Variants in ABL2 observed in about 807,000 individuals in gnomAD.
ABL2 encodes tyrosine-protein kinase ABL2.
ABL2 carries 49 observed loss-of-function variants against 107.7 expected under a neutral mutation model. That is an observed-to-expected ratio of 0.45 (90% CI 0.36 to 0.58). ABL2 has a LOEUF of 0.58. Among genes scored for constraint, ABL2 ranks in the 20% least tolerant of loss-of-function variants. ABL2 has a pLI of 0.00. For synonymous variants in ABL2, 549 were observed against 548.6 expected (o/e 1.00, Z -0.01); for missense variants, 1,245 against 1,457.0 (o/e 0.85, Z 2.37).
rs55794608 is a variant in ABL2, at chr1:179,199,731, C to CTT, written c.157+29508_157+29509dup. Among the ~76,000 whole-genome samples the CTT allele has an allele frequency of 3.2e-3, 429 of 136,140 alleles. 6 individuals carry two copies. Among genetic ancestry groups the CTT allele is most frequent in the Non-Finnish European group, 4.1e-3 (267 of 64,418 alleles). The allele number at this position is 136,140 out of a possible 152,430, so 89.3% of individuals were successfully genotyped here. A position where few individuals can be genotyped will look rare whatever the true frequency, so the allele number is the denominator to read the frequency against. The stretch of plus-strand genomic sequence containing the variant: ...AGTTCCAAAACCCATACACTTTTTC[C>CTT]TTTTTTTTTTTTTTTTTTGAGACAG... On this transcript the variant is annotated intron_variant, in intron 1 of 11. Transcript: ENST00000502732.
chr1:179,155,153 G>T (rs1658602581), intron 1 of ABL2, among the ~76,000 whole-genome samples: 1 of 152,204 alleles, frequency 6.6e-6, no homozygotes, highest in African/African-American at 2.4e-5. Context: ...ATGCAATAGA[G>T]AGTGGTACAA....
At chr1:179,221,698 G>T in intron 1 of ABL2, 1 of 228,304 alleles carries the variant, frequency 4.4e-6, no homozygotes, top group Non-Finnish European at 9.1e-6. Flanking sequence ...ATCAATACTG[G>T]CAATTTAGTG....
chr1:179,200,518 T>C (rs562852406), intron 1 of ABL2, among the ~76,000 whole-genome samples: 1 of 152,318 alleles, frequency 6.6e-6, no homozygotes, highest in Admixed American at 6.5e-5. Flanking sequence ...AGCCTTTTTT[T>C]CTCTCCTTCA....
chr1:179,157,557 C>T (rs999317114), intron 1 of ABL2, among the ~76,000 whole-genome samples: 3 of 151,878 alleles, frequency 2.0e-5, no homozygotes, highest in African/African-American at 7.3e-5. Context: ...TGAAAAACAT[C>T]CAAAATTCGA....
intron 4 of ABL2, among the ~76,000 whole-genome samples, chr1:179,122,220 T>C (rs551309550): frequency 1.3e-5 from 2 of 150,066 alleles, no homozygotes; most frequent in East Asian, 3.9e-4. Context: ...GGCCTAGGAA[T>C]TCTTTTTTAA....
chr1:179,156,928 A>C (rs1192147455), intron 1 of ABL2, among the ~76,000 whole-genome samples: 1 of 130,182 alleles, frequency 7.7e-6, no homozygotes, highest in Non-Finnish European at 1.7e-5. Flanking sequence ...TAAATAAATA[A>C]ATAAAACTCT....
At chr1:179,182,028 C>T (rs1489106391) in intron 1 of ABL2, among the ~76,000 whole-genome samples, 1 of 146,216 alleles carries the variant, frequency 6.8e-6, no homozygotes, top group Non-Finnish European at 1.5e-5. Flanking sequence ...GATCTCCTGA[C>T]CTCATGACCC....
chr1:179,120,122 G>A lies in ABL2; in HGVS notation c.1045+68C>T, dbSNP rs892208095. On this transcript the variant is annotated intron_variant, in intron 6 of 11. Transcript: ENST00000502732. The stretch of plus-strand genomic sequence containing the variant: ...TTAAAAAGAAAAAAAAAAAGCATTT[G>A]GAGATAACAAGGGGTTAAAGGGCAA... 9 of 941,638 alleles carry A rather than the reference G, an allele frequency of 9.6e-6. No homozygotes were observed. In the African/African-American group the frequency reaches 1.4e-4, roughly 14 times the overall value. The allele number at this position is 941,638 out of a possible 1,614,324, so 58.3% of individuals were successfully genotyped here.
At chr1:179,161,521 G>A (rs147171627) in intron 1 of ABL2, among the ~76,000 whole-genome samples, 2,864 of 152,200 alleles carry the variant, frequency 0.019, 44 homozygotes, top group Admixed American at 0.029. Context: ...ATCAGCCTGG[G>A]CAACATAGTG....
chr1:179,222,885 C>G (rs1180654092), intron 1 of ABL2, among the ~76,000 whole-genome samples: 1 of 151,358 alleles, frequency 6.6e-6, no homozygotes. Flanking sequence ...CTGAGGTGGG[C>G]GGATCATTTG....
chr1:179,118,827 G>T, intron 6 of ABL2, 63 bp from the exon 7 acceptor site: 1 of 1,531,896 alleles, frequency 6.5e-7, no homozygotes, highest in South Asian at 1.2e-5. Flanking sequence ...AAACCACTTT[G>T]GCCAAGAATA....
chr1:179,157,525 G>A (rs1185282514), intron 1 of ABL2, among the ~76,000 whole-genome samples: 1 of 151,672 alleles, frequency 6.6e-6, no homozygotes, highest in Non-Finnish European at 1.5e-5. Flanking sequence ...ATACTGAACT[G>A]GTATGCAAAT....
chr1:179,173,641 T>C (rs767039400), intron 1 of ABL2, among the ~76,000 whole-genome samples: 7 of 152,140 alleles, frequency 4.6e-5, no homozygotes, highest in East Asian at 1.9e-4. Context: ...AGAGCCACCA[T>C]GCCCAGCCAG....
chr1:179,147,157 C>A (rs2102720735), intron 1 of ABL2, among the ~76,000 whole-genome samples: 1 of 72,228 alleles, frequency 1.4e-5, no homozygotes, highest in African/African-American at 5.3e-5. Flanking sequence ...ATAAATGGTC[C>A]AATCACTAAT....
At chr1:179,211,687 A>T (rs1662282708) in intron 1 of ABL2, among the ~76,000 whole-genome samples, 1 of 151,906 alleles carries the variant, frequency 6.6e-6, no homozygotes, top group South Asian at 2.1e-4. Flanking sequence ...ACTTGAGGTC[A>T]GGAGTTCGAG....
rs775905147 is a variant in ABL2, at chr1:179,126,280, G to A, written c.687+97C>T. The A allele has an allele frequency of 5.5e-5, 74 of 1,345,408 alleles. No individual in the cohort carries two copies. The highest frequency in any genetic ancestry group is 2.4e-4 in the Middle Eastern group (1 of 4,102). 83.3% of individuals were successfully genotyped at this position (1,345,408 alleles called of 1,614,324 possible). On this transcript the variant is annotated intron_variant, in intron 4 of 11. Coordinates refer to ENST00000502732, the MANE Select transcript of ABL2 (RefSeq NM_007314.4). The surrounding 1 kb of genome is among the most constrained non-coding windows in gnomAD (Gnocchi z 4.4). ...AAAGCTAGTGAATATTTTATTTCAC[G>A]TCAGACATAAAATCTATTATTTCAC...
Position 179,101,375 on chromosome 1 carries a change from TC to T in ABL2, c.*6342del, listed in dbSNP as rs1205570195. ...GGATATTGAGTCAGAAATGAAGGTA[TC>T]CTTTTTTTTTTTTTTCTTCTTAACG... On this transcript the variant is annotated 3_prime_UTR_variant, in exon 12 of 12. Transcript: ENST00000502732. The T allele has an allele frequency of 8.7e-6, 1 of 115,038 alleles. No individual in the cohort carries two copies. The highest frequency in any genetic ancestry group is 1.5e-5 in the Non-Finnish European group (1 of 65,962). 7.1% of individuals were successfully genotyped at this position (115,038 alleles called of 1,614,324 possible).
Position 179,120,215 on chromosome 1 carries a change from C to T in ABL2, c.1020G>A (p.Lys340=), listed in dbSNP as rs563724855. 3.1e-6 allele frequency: 5 copies of T among 1,606,914 alleles called. No homozygotes were observed. The Admixed American group carries it at 5.1e-5, about 16-fold the overall frequency. Residue 340 remains lysine, a synonymous_variant, in exon 6 of 12, where the codon AAG becomes AAA. Coordinates refer to ENST00000502732, the MANE Select transcript of ABL2 (RefSeq NM_007314.4). ...LKEAAVMKEI[K]HPNLVQLLGV... Reference sequence around the variant, plus strand: ...CTAAAAGTTGTACCAGATTAGGATGCTTGATTTCCTTCATTACTGCAGCTT... The same window carrying T: ...CTAAAAGTTGTACCAGATTAGGATGTTTGATTTCCTTCATTACTGCAGCTT...
At chr1:179,171,793 G>A (rs1257757284) in intron 1 of ABL2, among the ~76,000 whole-genome samples, 2 of 152,186 alleles carry the variant, frequency 1.3e-5, no homozygotes, top group African/African-American at 2.4e-5. Flanking sequence ...TTACAGACAT[G>A]AGCCACCATG....
Sources: allele counts gnomAD v4.1 joint callset (sites outside exome capture counted in the v4.1 genomes callset), GRCh38; gene constraint gnomAD v4.1.1; non-coding constraint Gnocchi (gnomAD v3.1); transcripts MANE v1.5; gene names NCBI Gene and HGNC (gene_info 2026-07-23, HGNC 2026-07-21).